The following MYB variants were observed in gnomAD, a reference collection of about 807,000 sequenced individuals.
MYB encodes the protein transcriptional activator Myb.
MYB carries 28 observed loss-of-function variants against 92.9 expected under a neutral mutation model. The ratio of observed to expected loss-of-function variants is 0.30; its 90% CI spans 0.22 to 0.41. MYB has a LOEUF of 0.41. Among genes scored for constraint, MYB ranks in the 10% least tolerant of loss-of-function variants. MYB has a pLI of 1.00. For missense variants in MYB, 679 were observed against 929.3 expected, an observed-to-expected ratio of 0.73 and a Z score of 3.50; for synonymous variants, 295 against 329.1, an observed-to-expected ratio of 0.90 and a Z score of 1.12.
intron 2 of MYB, among the ~76,000 whole-genome samples, chr6:135,186,726 TCTC>T (rs1583250232): frequency 6.6e-6 from 1 of 152,210 alleles, no homozygotes; most frequent in East Asian, 1.9e-4. Context: ...CACATCTGCT[TCTC>T]CTGTTTCTTT....
intron 15 of MYB, among the ~76,000 whole-genome samples, chr6:135,211,981 G>C (rs972930882): frequency 1.1e-4 from 16 of 152,082 alleles, no homozygotes; most frequent in African/African-American, 3.9e-4. Flanking sequence ...ACTTTCCAAA[G>C]ACAACTAAAG....
In MYB at chr6:135,181,568, G is replaced by GGGGGCGCGCA. The variant is rs1775033968; in HGVS notation, c.23+41_23+42insAGGGGCGCGC. ...GGGAGCCGGGCGGGCGGCCGAGGGC[G>GGGGGCGCGCA]GGGGCGCGCGGGGGCGCGCGGGGCG... On this transcript the variant is annotated intron_variant, in intron 1 of 15. Transcript: ENST00000341911. This position sits in a 1 kb window ranked among gnomAD's most constrained non-coding sequence, Gnocchi z 5.3. 8.9e-7 allele frequency: 1 copy of GGGGGCGCGCA among 1,118,682 alleles called. No homozygotes were observed. The highest frequency in any genetic ancestry group is 1.6e-5 in the African/African-American group (1 of 60,864). The allele number at this position is 1,118,682 out of a possible 1,614,324, so 69.3% of individuals were successfully genotyped here. A position where few individuals can be genotyped will look rare whatever the true frequency, so the allele number is the denominator to read the frequency against.
intron 15 of MYB, among the ~76,000 whole-genome samples, chr6:135,216,913 T>C (rs951697047): frequency 1.3e-5 from 2 of 152,150 alleles, no homozygotes; most frequent in Non-Finnish European, 2.9e-5. Flanking sequence ...TTACCTCCAT[T>C]TTCTGTCTCC....
At chr6:135,215,036 A>G (rs1424628060) in intron 15 of MYB, among the ~76,000 whole-genome samples, 2 of 152,208 alleles carry the variant, frequency 1.3e-5, no homozygotes, top group Admixed American at 6.5e-5. Context: ...TAGTATTTCA[A>G]GTTATATGTT....
chr6:135,196,720 A>G (rs747536640), intron 9 of MYB: 3 of 1,485,536 alleles, frequency 2.0e-6, no homozygotes, highest in Non-Finnish European at 2.7e-6. Flanking sequence ...TTTCCATTGC[A>G]TGCAGATGTA....
intron 3 of MYB, among the ~76,000 whole-genome samples, chr6:135,188,606 T>C (rs777128539): frequency 1.3e-5 from 2 of 151,234 alleles, no homozygotes; most frequent in Non-Finnish European, 2.9e-5. Context: ...GCCTCCCAGG[T>C]TCAAGCGATT....
intron 15 of MYB, among the ~76,000 whole-genome samples, chr6:135,213,490 T>G (rs1308334726): frequency 6.6e-6 from 1 of 152,118 alleles, no homozygotes; most frequent in Non-Finnish European, 1.5e-5. Context: ...GATTTCAAGT[T>G]GAAAATAGAT....
chr6:135,189,988 G>T, intron 4 of MYB, 105 bp downstream of exon 4: 4 of 1,395,010 alleles, frequency 2.9e-6, no homozygotes, highest in Non-Finnish European at 4.0e-6. Context: ...ACAGGAAGTA[G>T]AGGACTCTAT....
intron 3 of MYB, 102 bp from the exon 4 acceptor site, chr6:135,189,688 AT>A: frequency 1.1e-6 from 1 of 885,028 alleles, no homozygotes; most frequent in South Asian, 1.6e-5. Flanking sequence ...ATGTTCTTAA[AT>A]ATTTTCACTG....
At chr6:135,187,950 A>T (rs374837586) in intron 3 of MYB, 45 bp downstream of exon 3, 1 of 1,367,184 alleles carries the variant, frequency 7.3e-7, no homozygotes, top group Non-Finnish European at 1.0e-6. Flanking sequence ...AGCTTCTCCC[A>T]AAGATTTCTA....
chr6:135,209,576 C>G (rs1779440019), intron 15 of MYB, among the ~76,000 whole-genome samples: 1 of 152,132 alleles, frequency 6.6e-6, no homozygotes, highest in South Asian at 2.1e-4. Context: ...TCCATGTATC[C>G]CCTAATCTAT....
intron 15 of MYB, among the ~76,000 whole-genome samples, chr6:135,213,193 G>A (rs1779983844): frequency 6.6e-6 from 1 of 152,182 alleles, no homozygotes; most frequent in African/African-American, 2.4e-5. Context: ...GGGAGAATCA[G>A]GCGTTCCAAG....
At chr6:135,191,701 A>G (rs1410490436) in intron 5 of MYB, among the ~76,000 whole-genome samples, 1 of 152,222 alleles carries the variant, frequency 6.6e-6, no homozygotes, top group East Asian at 1.9e-4. Context: ...ACTTTAGTAA[A>G]AATGCGTTGC....
chr6:135,200,570 T>G lies in MYB; in HGVS notation c.1950+155T>G, dbSNP rs760374024. On this transcript the variant is annotated intron_variant, in intron 13 of 15. Transcript: ENST00000341911. ...GTGCAGCGAAAAGGTACTGCCAGAC[T>G]GTAGGCATCATCAACCTTTCCTTTG... 5.6e-6 allele frequency: 6 copies of G among 1,065,030 alleles called. No individual in the cohort carries two copies. The Admixed American group carries it at 1.1e-4, about 20-fold the overall frequency. The allele number at this position is 1,065,030 out of a possible 1,614,324, so 66.0% of individuals were successfully genotyped here.
At chr6:135,187,755 C>G (rs1192460839) in intron 2 of MYB, 79 bp from the exon 3 acceptor site, 1 of 855,654 alleles carries the variant, frequency 1.2e-6, no homozygotes, top group South Asian at 1.9e-5. Context: ...ATTCTAGATT[C>G]GTTCCCTCAT....
chr6:135,204,465 C>T (rs562745852), intron 15 of MYB, among the ~76,000 whole-genome samples: 4 of 152,022 alleles, frequency 2.6e-5, no homozygotes, highest in South Asian at 2.1e-4. Flanking sequence ...GCAACCCAGC[C>T]GTTTTTTTGT....
At chr6:135,184,881 G>A (rs1443927738) in intron 1 of MYB, among the ~76,000 whole-genome samples, 2 of 151,972 alleles carry the variant, frequency 1.3e-5, no homozygotes, top group South Asian at 2.1e-4. Flanking sequence ...AAAATAAACC[G>A]TGTCTGTAAA....
intron 8 of MYB, chr6:135,195,482 C>T (rs759735227): frequency 3.7e-5 from 17 of 456,552 alleles, no homozygotes; most frequent in East Asian, 1.0e-4. Context: ...AATTATACTT[C>T]GAAATATAGA....
At position 135,203,630 on chromosome 6, in the gene MYB, C is replaced by T. The variant is rs997039230; in HGVS notation, c.2169+306C>T. 4.0e-5 allele frequency: 42 copies of T among 1,062,840 alleles called. 1 individual carries two copies. Among genetic ancestry groups the T allele is most frequent in the South Asian group, 3.6e-4 (24 of 66,446 alleles). 65.8% of individuals were successfully genotyped at this position (1,062,840 alleles called of 1,614,324 possible). A position where few individuals can be genotyped will look rare whatever the true frequency, so the allele number is the denominator to read the frequency against. On this transcript the variant is annotated intron_variant, in intron 15 of 15. Transcript: ENST00000341911. ...TGTATTACACGTGTGTCACTATCTT[C>T]TTCTGCCCTCAAATGTTTTATAAAA...
Sources: allele counts gnomAD v4.1 joint callset (sites outside exome capture counted in the v4.1 genomes callset), GRCh38; gene constraint gnomAD v4.1.1; non-coding constraint Gnocchi (gnomAD v3.1); transcripts MANE v1.5; gene names NCBI Gene and HGNC (gene_info 2026-07-23, HGNC 2026-07-21).